Variants in DMGDH observed in about 807,000 individuals in gnomAD.
The protein encoded by DMGDH is dimethylglycine dehydrogenase.
Under a neutral mutation model 95.2 loss-of-function variants are expected in DMGDH, and 76 were observed. The ratio of observed to expected loss-of-function variants is 0.80; its 90% CI spans 0.66 to 0.97. The LOEUF is 0.97. Ranked by LOEUF, DMGDH falls within the 50% of genes least tolerant of loss-of-function variation. The pLI is 0.00. For synonymous variants in DMGDH, 345 were observed against 377.6 expected, an observed-to-expected ratio of 0.91 and a Z score of 1.00; for missense variants, 987 against 1,055.0, an observed-to-expected ratio of 0.94 and a Z score of 0.89.
intron 1 of DMGDH, among the ~76,000 whole-genome samples, chr5:79,065,888 T>C (rs1580236862): frequency 6.6e-6 from 1 of 152,270 alleles, no homozygotes; most frequent in East Asian, 1.9e-4. Flanking sequence ...GTATATGTGG[T>C]CCATCATTGA....
chr5:79,016,529 G>T (rs1052680571), intron 14 of DMGDH, among the ~76,000 whole-genome samples: 1 of 152,142 alleles, frequency 6.6e-6, no homozygotes, highest in Non-Finnish European at 1.5e-5. Context: ...TATGTTAAAA[G>T]ATATGTAAGA....
intron 14 of DMGDH, among the ~76,000 whole-genome samples, chr5:79,008,316 T>C (rs1441517084): frequency 6.6e-6 from 1 of 152,146 alleles, no homozygotes; most frequent in African/African-American, 2.4e-5. Flanking sequence ...AAAACTACTG[T>C]CTGTACAGCC....
At chr5:79,068,076 C>T (rs768574228) in intron 1 of DMGDH, among the ~76,000 whole-genome samples, 13 of 152,092 alleles carry the variant, frequency 8.5e-5, no homozygotes, top group Non-Finnish European at 1.2e-4. Context: ...CACCATGACA[C>T]CCAGTTAATT....
At chr5:79,021,618 T>C in intron 14 of DMGDH, 1 of 1,316,032 alleles carries the variant, frequency 7.6e-7, no homozygotes, top group Admixed American at 2.1e-5. Flanking sequence ...TAATAAGGCC[T>C]GATGGCCCAT....
chr5:79,014,721 T>A (rs1015363283), intron 14 of DMGDH, among the ~76,000 whole-genome samples: 1 of 152,232 alleles, frequency 6.6e-6, no homozygotes, highest in African/African-American at 2.4e-5. Flanking sequence ...CTAATACTTA[T>A]GACAAATTTA....
intron 5 of DMGDH, among the ~76,000 whole-genome samples, chr5:79,044,959 C>A (rs1171831986): frequency 1.3e-5 from 2 of 152,132 alleles, no homozygotes; most frequent in Admixed American, 1.3e-4. Context: ...AAGGAAGAGG[C>A]CCCTGTGTTG....
At chr5:79,006,726 G>A (rs2306193) in intron 14 of DMGDH, among the ~76,000 whole-genome samples, 14,830 of 152,050 alleles carry the variant, frequency 0.098, 1,615 homozygotes, top group East Asian at 0.32. Flanking sequence ...GTCCTCCACC[G>A]CTAACATTTA....
At chr5:79,030,112 A>C in intron 10 of DMGDH, 78 bp from the exon 11 acceptor site, 1 of 1,238,740 alleles carries the variant, frequency 8.1e-7, no homozygotes, top group East Asian at 2.4e-5. Flanking sequence ...TGAAATAACA[A>C]TGTGGGTGTT....
intron 10 of DMGDH, chr5:79,030,522 T>C: frequency 3.1e-6 from 1 of 319,056 alleles, no homozygotes; most frequent in Non-Finnish European, 5.9e-6. Flanking sequence ...GGCACATGCC[T>C]GTAGTCCCAG....
intron 9 of DMGDH, among the ~76,000 whole-genome samples, chr5:79,032,187 C>T (rs76557127): frequency 0.037 from 5,675 of 152,294 alleles, 155 homozygotes; most frequent in Middle Eastern, 0.054. Flanking sequence ...TATGTTTTCG[C>T]TTAACCTGGA....
At chr5:79,009,608 C>T (rs1753611223) in intron 14 of DMGDH, among the ~76,000 whole-genome samples, 1 of 152,072 alleles carries the variant, frequency 6.6e-6, no homozygotes, top group South Asian at 2.1e-4. Context: ...AATCTGCTTA[C>T]CTCAGCCTCC....
chr5:79,063,571 G>A, intron 2 of DMGDH, 42 bp downstream of exon 2: 1 of 1,612,588 alleles, frequency 6.2e-7, no homozygotes, highest in Non-Finnish European at 8.5e-7. Flanking sequence ...CTTTACTCAT[G>A]CACAATTCCA....
chr5:79,062,539 A>C (rs532950421), intron 2 of DMGDH, among the ~76,000 whole-genome samples: 3 of 152,060 alleles, frequency 2.0e-5, no homozygotes, highest in African/African-American at 7.2e-5. Context: ...GCAGTCCTAA[A>C]AACTTCCTCT....
At position 79,055,658 on chromosome 5, in the gene DMGDH, C is replaced by G. The variant is rs190387575; in HGVS notation, c.375+152G>C. 4.6e-6 allele frequency: 3 copies of G among 655,770 alleles called. No individual in the cohort carries two copies. The East Asian group carries it at 8.3e-5, about 18-fold the overall frequency. The allele number at this position is 655,770 out of a possible 1,614,324, so 40.6% of individuals were successfully genotyped here. A position where few individuals can be genotyped will look rare whatever the true frequency, so the allele number is the denominator to read the frequency against. ...AATTAAGTTGATTTTAAAGCAGACT[C>G]TAGAGGTTCTTACCTTAAACTCTCA... On this transcript the variant is annotated intron_variant, in intron 3 of 15. Coordinates refer to ENST00000255189, the MANE Select transcript of DMGDH (RefSeq NM_013391.3).
intron 14 of DMGDH, among the ~76,000 whole-genome samples, chr5:79,011,219 A>G (rs1043939911): frequency 4.6e-5 from 7 of 152,186 alleles, no homozygotes; most frequent in Admixed American, 3.9e-4. Context: ...TTTCATATTT[A>G]CAGACTTAGA....
At chr5:79,028,393 A>C (rs1162333376) in intron 12 of DMGDH, 40 bp downstream of exon 12, 1 of 1,532,548 alleles carries the variant, frequency 6.5e-7, no homozygotes, top group Non-Finnish European at 9.0e-7. Flanking sequence ...TTGACCTTTT[A>C]AATTTCAGAG....
rs1394849087 is a variant in DMGDH at position 78,997,871 on chromosome 5, T to C, written c.*211A>G. Reference sequence around the variant, plus strand: ...TAAAAAAACATTCATTTCAAATTTCTTCATTTAAAAGAACAATGTAAATCA... The same window carrying C: ...TAAAAAAACATTCATTTCAAATTTCCTCATTTAAAAGAACAATGTAAATCA... On this transcript the variant is annotated 3_prime_UTR_variant, in exon 16 of 16. Coordinates refer to ENST00000255189, the MANE Select transcript of DMGDH (RefSeq NM_013391.3). The C allele has an allele frequency of 3.4e-6, 2 of 592,916 alleles. No homozygotes were observed. The highest frequency in any genetic ancestry group is 5.9e-6 in the Non-Finnish European group (2 of 340,356). 36.7% of individuals were successfully genotyped at this position (592,916 alleles called of 1,614,324 possible).
intron 14 of DMGDH, chr5:79,021,652 C>T (rs781373929): frequency 1.5e-6 from 2 of 1,316,448 alleles, no homozygotes; most frequent in East Asian, 9.7e-5. Flanking sequence ...CATTTTCCTC[C>T]TTAAAATGGG....
intron 15 of DMGDH, among the ~76,000 whole-genome samples, chr5:79,004,535 G>C (rs1261512389): frequency 6.6e-6 from 1 of 152,020 alleles, no homozygotes. Context: ...GTCTAAGCTG[G>C]GTGTCCCACA....
Sources: gnomAD v4.1 joint callset for allele counts (sites outside exome capture counted in the v4.1 genomes callset) on GRCh38, gnomAD v4.1.1 for gene constraint, MANE v1.5 for transcripts, NCBI Gene and HGNC (gene_info 2026-07-23, HGNC 2026-07-21) for gene names.